CLIC5: variants seen among roughly 807,000 people sequenced by gnomAD.
CLIC5 encodes the protein chloride intracellular channel protein 5.
In CLIC5, 20 loss-of-function variants were observed where a neutral mutation model predicts 24.7. The ratio of observed to expected loss-of-function variants is 0.81; its 90% confidence interval spans 0.57 to 1.18. The LOEUF is 1.18. Among genes scored for constraint, CLIC5 ranks in the 50% most tolerant of loss-of-function variants. The probability of loss-of-function intolerance (pLI) is 0.00; values close to 1 mark genes in which losing one functional copy is unlikely to be tolerated. For missense variants in CLIC5, 341 were observed against 326.1 expected (o/e 1.05, Z -0.35); for synonymous variants, 159 against 135.6 (o/e 1.17, Z -1.20).
At chr6:46,091,091 C>T in the CLIC5 span, among the ~76,000 whole-genome samples, 1 of 152,144 alleles carries the variant, frequency 6.6e-6, no homozygotes, top group Non-Finnish European at 1.5e-5. Context: ...GGGATGCTGC[C>T]TGATTCACAC....
chr6:45,975,716 T>C (rs1370375550), intron 1 of CLIC5, among the ~76,000 whole-genome samples: 4 of 152,180 alleles, frequency 2.6e-5, no homozygotes, highest in Non-Finnish European at 4.4e-5. Context: ...TACCTGTCAA[T>C]CTCTAAGGTG....
chr6:45,973,281 C>G (rs1765264610), intron 1 of CLIC5, among the ~76,000 whole-genome samples: 1 of 152,178 alleles, frequency 6.6e-6, no homozygotes, highest in African/African-American at 2.4e-5. Context: ...ACTGGGCTCT[C>G]TAAAGGTGCT....
intron 1 of CLIC5, among the ~76,000 whole-genome samples, chr6:45,998,528 C>T (rs914353840): frequency 2.0e-5 from 3 of 152,290 alleles, no homozygotes; most frequent in Middle Eastern, 3.4e-3. Flanking sequence ...ATGGACCTGG[C>T]AACAAAGTCC....
At chr6:46,081,795 G>A (rs908827256), upstream of CLIC5, among the ~76,000 whole-genome samples, 93 of 152,192 alleles carry the variant, frequency 6.1e-4, 1 homozygote, top group South Asian at 2.1e-4. Flanking sequence ...AAAACTTAAT[G>A]GCGGAGCTGA....
At chr6:46,096,189 G>T in the CLIC5 span, among the ~76,000 whole-genome samples, 10 of 152,100 alleles carry the variant, frequency 6.6e-5, no homozygotes, top group Non-Finnish European at 1.3e-4. Context: ...TCACTCACTC[G>T]CAATGGAACA....
chr6:46,030,485 C>T (rs924585241), intron 1 of CLIC5, among the ~76,000 whole-genome samples: 1 of 152,146 alleles, frequency 6.6e-6, no homozygotes, highest in Admixed American at 6.5e-5. Context: ...CTCTTGGTAG[C>T]CAGGACATGC....
chr6:45,939,717 T>G (rs1261184216), intron 4 of CLIC5, among the ~76,000 whole-genome samples: 1 of 152,112 alleles, frequency 6.6e-6, no homozygotes, highest in Admixed American at 6.6e-5. Context: ...CATAGCTCAC[T>G]GCAGCTTCGA....
At chr6:45,884,792 G>A (rs746094807) in intron 6 of CLIC5, among the ~76,000 whole-genome samples, 8 of 152,014 alleles carry the variant, frequency 5.3e-5, no homozygotes, top group Non-Finnish European at 1.0e-4. Flanking sequence ...CCTCCCATGT[G>A]GGGAACTGGA....
At chr6:45,983,527 C>T (rs1006608474) in intron 1 of CLIC5, among the ~76,000 whole-genome samples, 4 of 152,154 alleles carry the variant, frequency 2.6e-5, no homozygotes, top group South Asian at 2.1e-4. Flanking sequence ...GGCTACCCTG[C>T]TCCTGCATAT....
At chr6:46,107,254 A>T in the CLIC5 span, among the ~76,000 whole-genome samples, 1 of 152,128 alleles carries the variant, frequency 6.6e-6, no homozygotes, top group African/African-American at 2.4e-5. Context: ...TGCTTCTCTG[A>T]CATTTTTAAT....
At chr6:46,092,548 C>CCTGCCCTG in the CLIC5 span, among the ~76,000 whole-genome samples, 1 of 152,198 alleles carries the variant, frequency 6.6e-6, no homozygotes, top group African/African-American at 2.4e-5. Context: ...TCCTACCATT[C>CCTGCCCTG]ATAACATTCA....
chr6:46,040,422 GGT>G (rs921458864), intron 1 of CLIC5, among the ~76,000 whole-genome samples: 11 of 152,106 alleles, frequency 7.2e-5, no homozygotes, highest in Non-Finnish European at 1.6e-4. Context: ...TAGTACAGGT[GGT>G]GGTAATGGTA....
At chr6:46,059,053 A>G (rs916061800) in intron 1 of CLIC5, among the ~76,000 whole-genome samples, 2 of 152,226 alleles carry the variant, frequency 1.3e-5, no homozygotes, top group Non-Finnish European at 2.9e-5. Flanking sequence ...CTCAACCTGG[A>G]TGTGCAGTAC....
At chr6:46,005,497 T>C (rs1356946834) in intron 1 of CLIC5, among the ~76,000 whole-genome samples, 1 of 152,170 alleles carries the variant, frequency 6.6e-6, no homozygotes, top group Non-Finnish European at 1.5e-5. Flanking sequence ...AGCACTTCCC[T>C]CTTTTAAACT....
At chr6:45,984,181 TG>T (rs1157636174) in intron 1 of CLIC5, among the ~76,000 whole-genome samples, 1 of 152,124 alleles carries the variant, frequency 6.6e-6, no homozygotes, top group Non-Finnish European at 1.5e-5. Context: ...AAAAAGTACT[TG>T]GGATTAAAAG....
chr6:46,081,604 A>G (rs1186070166), upstream of CLIC5, among the ~76,000 whole-genome samples: 2 of 152,220 alleles, frequency 1.3e-5, no homozygotes, highest in East Asian at 1.9e-4. Context: ...AATGGGTCCA[A>G]ATACCTTACA....
chr6:45,947,571 C>G (rs1176844992), intron 3 of CLIC5, among the ~76,000 whole-genome samples: 1 of 152,200 alleles, frequency 6.6e-6, no homozygotes, highest in African/African-American at 2.4e-5. Context: ...CGGAAGCCCC[C>G]ACTCCTGAGT....
At chr6:45,929,435 GTTAT>G (rs1361573693) in intron 4 of CLIC5, among the ~76,000 whole-genome samples, 3 of 152,138 alleles carry the variant, frequency 2.0e-5, no homozygotes, top group Non-Finnish European at 1.5e-5. Flanking sequence ...CCGAGCCTAG[GTTAT>G]TTGTTTTTCC....
chr6:46,073,659 A>T (rs774491539), intron 1 of CLIC5, among the ~76,000 whole-genome samples: 2 of 152,198 alleles, frequency 1.3e-5, no homozygotes, highest in Non-Finnish European at 2.9e-5. Context: ...TCTCAGGATA[A>T]GATCCAAGCC....
Sources: gnomAD v4.1 joint callset for allele counts (sites outside exome capture counted in the v4.1 genomes callset) on GRCh38, gnomAD v4.1.1 for gene constraint, MANE v1.5 for transcripts, NCBI Gene and HGNC (gene_info 2026-07-23, HGNC 2026-07-21) for gene names.